The following MICAL2 variants were observed in gnomAD, a reference collection of about 807,000 sequenced individuals.
MICAL2 encodes the protein [F-actin]-monooxygenase MICAL2.
A neutral mutation model predicts 127.3 loss-of-function variants in MICAL2; 77 were observed. That is an observed-to-expected ratio of 0.60 (90% CI 0.50 to 0.73). The LOEUF (loss-of-function observed/expected upper bound fraction) is 0.73, where lower values mean the gene tolerates loss of function less well. MICAL2 is among the 30% of genes least tolerant of loss of function. MICAL2 has a pLI of 0.00. For missense variants in MICAL2, 1,351 were observed against 1,434.4 expected (o/e 0.94, Z 0.94); for synonymous variants, 570 against 551.1 (o/e 1.03, Z -0.48).
intron 33 of MICAL2, among the ~76,000 whole-genome samples, chr11:12,352,780 T>C (rs933615737): frequency 6.6e-5 from 10 of 152,294 alleles, no homozygotes; most frequent in African/African-American, 2.4e-4. Context: ...GCAGTTCTGA[T>C]GCCTGTAAAA....
intron 3 of MICAL2, among the ~76,000 whole-genome samples, chr11:12,167,785 A>T: frequency 6.6e-6 from 1 of 152,180 alleles, no homozygotes; most frequent in Non-Finnish European, 1.5e-5. Flanking sequence ...GGGTTGTACC[A>T]ATGGTTGCAT....
chr11:12,262,880 C>T, intron 27 of MICAL2: 1 of 231,008 alleles, frequency 4.3e-6, no homozygotes, highest in Non-Finnish European at 8.6e-6. Context: ...GAAACAATAC[C>T]ATGAGGGGGC....
rs746423630 is a variant in MICAL2, at chr11:12,221,638, T to C, written c.1207-6T>C. The C allele has an allele frequency of 3.1e-6, 5 of 1,601,760 alleles. No homozygotes were observed. The South Asian group carries it at 4.4e-5, about 14-fold the overall frequency. On this transcript the variant is annotated splice_polypyrimidine_tract_variant and splice_region_variant and intron_variant, in intron 9 of 27. Coordinates refer to ENST00000683283, the MANE Select transcript of MICAL2 (RefSeq NM_001282663.2). The stretch of plus-strand genomic sequence containing the variant: ...CAACTGGAATTTTGCACGTTTTCTT[T>C]TGCAGCCATTTTGGCCCATGGGTAC...
intron 4 of MICAL2, among the ~76,000 whole-genome samples, chr11:12,205,523 C>T (rs960860302): frequency 1.4e-4 from 22 of 152,138 alleles, no homozygotes; most frequent in African/African-American, 4.6e-4. Context: ...CCAGCATATA[C>T]TCAGGGATGA....
intron 1 of MICAL2, among the ~76,000 whole-genome samples, chr11:12,117,842 A>G (rs901170247): frequency 6.6e-6 from 1 of 152,226 alleles, no homozygotes; most frequent in East Asian, 1.9e-4. Context: ...TCTGATGACT[A>G]AATGAAAGGA....
chr11:12,319,432 AT>A (rs1321796527), intron 29 of MICAL2, among the ~76,000 whole-genome samples: 1 of 133,890 alleles, frequency 7.5e-6, no homozygotes, highest in Non-Finnish European at 1.6e-5. Context: ...TTTCTGCATA[AT>A]ACCTTGGTTT....
chr11:12,216,476 G>A, intron 8 of MICAL2, 157 bp downstream of exon 8: 2 of 633,094 alleles, frequency 3.2e-6, no homozygotes, highest in Non-Finnish European at 5.6e-6. Context: ...TGTTACATGA[G>A]TATTGGATAA....
Position 12,249,243 on chromosome 11 carries a change from T to G in MICAL2, c.2844T>G (p.Pro948=). The stretch of plus-strand genomic sequence containing the variant: ...CCAGCCATTTGAGAACAGTGCATCC[T>G]CAGGTGAGTTAGAGCCTCCCTGAAC... ...FHPSHLRTVH[P]QLTVGKVSSG... The change falls in exon 22 of 28, where the codon CCT becomes CCG. Residue 948 remains proline, a synonymous_variant. Transcript: ENST00000683283. 6.4e-7 allele frequency: 1 copy of G among 1,572,484 alleles called. No individual in the cohort carries two copies. The highest frequency in any genetic ancestry group is 8.8e-7 in the Non-Finnish European group (1 of 1,142,460).
At chr11:12,235,188 G>A (rs972116226) in intron 15 of MICAL2, among the ~76,000 whole-genome samples, 2 of 152,142 alleles carry the variant, frequency 1.3e-5, no homozygotes, top group African/African-American at 4.8e-5. Context: ...TTACCCATGG[G>A]GTACGGAGGA....
At chr11:12,318,912 G>A (rs150838395) in intron 29 of MICAL2, among the ~76,000 whole-genome samples, 618 of 152,258 alleles carry the variant, frequency 4.1e-3, no homozygotes, top group Non-Finnish European at 6.5e-3. Flanking sequence ...TCAGAGACTG[G>A]CATATCTCCT....
upstream of MICAL2, among the ~76,000 whole-genome samples, chr11:12,275,622 G>A (rs57342145): frequency 7.7e-4 from 118 of 152,292 alleles, 1 homozygote; most frequent in East Asian, 0.015. Flanking sequence ...TAGAATAGTC[G>A]AATAAGATGA....
chr11:12,329,524 G>A (rs757111779), intron 32 of MICAL2, among the ~76,000 whole-genome samples: 21 of 152,164 alleles, frequency 1.4e-4, no homozygotes, highest in Non-Finnish European at 2.6e-4. Context: ...TAAGCCCTGT[G>A]TTCAAATTCT....
At chr11:12,313,167 C>CAAAAAAAA (rs61207104) in intron 29 of MICAL2, among the ~76,000 whole-genome samples, 6 of 69,220 alleles carry the variant, frequency 8.7e-5, no homozygotes, top group African/African-American at 1.2e-4. Flanking sequence ...GACTACATCT[C>CAAAAAAAA]AAAAAAAAAA....
At chr11:12,221,580 C>T in intron 9 of MICAL2, 64 bp from the exon 10 acceptor site, 1 of 1,175,376 alleles carries the variant, frequency 8.5e-7, no homozygotes, top group Non-Finnish European at 1.3e-6. Context: ...TGTGCTGGGT[C>T]CAATGAGATC....
At chr11:12,287,586 C>T (rs1006046149), downstream of MICAL2, among the ~76,000 whole-genome samples, 4 of 152,148 alleles carry the variant, frequency 2.6e-5, no homozygotes, top group Non-Finnish European at 5.9e-5. Context: ...TACACACAGA[C>T]ACCCACACAT....
rs560273193 is a variant in MICAL2, at chr11:12,150,828, G to T, written c.-77-11251G>T. 2.0e-5 allele frequency among the ~76,000 whole-genome samples: 3 copies of T among 152,280 alleles called. No individual in the cohort carries two copies. The East Asian group carries it at 5.8e-4, about 29-fold the overall frequency. ...TTACCATAGCAGAGAGTTGGTTAAG[G>T]CGAGGATGAGCTACCCTCAACTTTT... On this transcript the variant is annotated intron_variant, in intron 2 of 27. Transcript: ENST00000683283.
chr11:12,251,674 A>G (rs1861579761), intron 22 of MICAL2, among the ~76,000 whole-genome samples: 2 of 150,960 alleles, frequency 1.3e-5, no homozygotes, highest in Non-Finnish European at 2.9e-5. Flanking sequence ...ACCTAATGAA[A>G]GGTGGGACCA....
rs202088870 is a variant in MICAL2, at chr11:12,162,312, C to T, written c.157C>T (p.Leu53Phe). 1.1e-5 allele frequency: 18 copies of T among 1,614,228 alleles called. No individual in the cohort carries two copies. The Admixed American group carries it at 2.3e-4, about 21-fold the overall frequency. Residue 53 changes from leucine (L) to phenylalanine (F), a missense_variant, in exon 3 of 28, where the codon CTC (leucine) becomes TTC (phenylalanine). This residue lies in a region of MICAL2 where 599 missense variants were observed against 714.9 expected (regional missense o/e 0.84). Coordinates refer to ENST00000683283, the MANE Select transcript of MICAL2 (RefSeq NM_001282663.2). ...GGACCACAGAAACTTTTATTCCAAG[C>T]TCAAGTCCAAGGTGACCACCTGGAA... ...PLDHRNFYSK[L>F]KSKVTTWKAK...
intron 32 of MICAL2, among the ~76,000 whole-genome samples, chr11:12,332,507 G>A (rs991410953): frequency 6.6e-6 from 1 of 152,196 alleles, no homozygotes; most frequent in Admixed American, 6.5e-5. Flanking sequence ...AAGCATGCAA[G>A]GAACTTGGGT....
Sources: gnomAD v4.1 joint callset for allele counts (sites outside exome capture counted in the v4.1 genomes callset) on GRCh38, gnomAD v4.1.1 for gene constraint, gnomAD v4.1.1 regional missense constraint, MANE v1.5 for transcripts, NCBI Gene and HGNC (gene_info 2026-07-23, HGNC 2026-07-21) for gene names.